PTPRR: variants seen among roughly 807,000 people sequenced by gnomAD.
PTPRR encodes the protein receptor-type tyrosine-protein phosphatase R.
PTPRR carries 38 observed loss-of-function variants against 77.2 expected under a neutral mutation model. That is an observed-to-expected ratio of 0.49 (90% CI 0.38 to 0.65). PTPRR has a LOEUF of 0.65. Ranked by LOEUF, PTPRR falls within the 30% of genes least tolerant of loss-of-function variation. The pLI, the probability that PTPRR is intolerant of heterozygous loss-of-function variation, is 0.00. For synonymous variants in PTPRR, 299 were observed against 283.1 expected, an observed-to-expected ratio of 1.06 and a Z score of -0.57; for missense variants, 744 against 799.2, an observed-to-expected ratio of 0.93 and a Z score of 0.83.
intron 8 of PTPRR, among the ~76,000 whole-genome samples, chr12:70,689,354 A>T (rs1887979365): frequency 6.6e-6 from 1 of 152,132 alleles, no homozygotes; most frequent in Non-Finnish European, 1.5e-5. Flanking sequence ...GTAATCTCCA[A>T]ATAATATAAG....
chr12:70,749,176 C>A (rs7313761), intron 5 of PTPRR, among the ~76,000 whole-genome samples: 117,961 of 151,990 alleles, frequency 0.78, 46,089 homozygotes, highest in Middle Eastern at 0.83. Context: ...CAACAACAAA[C>A]AACAACAACC....
In PTPRR at chr12:70,819,148, C is replaced by A. The variant is rs1001300336; in HGVS notation, c.358-54370G>T. On this transcript the variant is annotated intron_variant, in intron 2 of 13. Transcript: ENST00000283228. The stretch of plus-strand genomic sequence containing the variant: ...CCAGACTAGTCGACATGGTGAAACC[C>A]CATCTCTACTAAAAATACAAAAATT... Among the ~76,000 whole-genome samples, 3 of 152,170 alleles carry A rather than the reference C, an allele frequency of 2.0e-5. No individual in the cohort carries two copies. In the East Asian group the frequency reaches 5.8e-4, roughly 29 times the overall value.
intron 4 of PTPRR, among the ~76,000 whole-genome samples, chr12:70,759,570 A>G (rs1215148508): frequency 1.3e-5 from 2 of 150,860 alleles, no homozygotes; most frequent in Non-Finnish European, 2.9e-5. Flanking sequence ...AGTCCCAGCT[A>G]CTCAGAAGGT....
intron 2 of PTPRR, among the ~76,000 whole-genome samples, chr12:70,839,342 A>G (rs1452926188): frequency 6.6e-6 from 1 of 150,626 alleles, no homozygotes; most frequent in African/African-American, 2.5e-5. Flanking sequence ...TGTGTGTGTT[A>G]AAAGTGTCCA....
chr12:70,868,418 G>C (rs971637091), intron 2 of PTPRR, among the ~76,000 whole-genome samples: 33 of 151,726 alleles, frequency 2.2e-4, no homozygotes, highest in African/African-American at 6.8e-4. Flanking sequence ...TTTATGCAGC[G>C]AAAAGACACA....
At chr12:70,657,874 C>T (rs893544575) in intron 12 of PTPRR, among the ~76,000 whole-genome samples, 1 of 152,172 alleles carries the variant, frequency 6.6e-6, no homozygotes, top group Non-Finnish European at 1.5e-5. Context: ...ACTGTAATCA[C>T]GTTTTCAACA....
At chr12:70,836,056 C>G (rs1387643025) in intron 2 of PTPRR, among the ~76,000 whole-genome samples, 1 of 152,050 alleles carries the variant, frequency 6.6e-6, no homozygotes, top group African/African-American at 2.4e-5. Context: ...ATTGGGATGC[C>G]CATTGCACTG....
intron 1 of PTPRR, among the ~76,000 whole-genome samples, chr12:70,912,161 A>G (rs1893709954): frequency 6.6e-6 from 1 of 152,162 alleles, no homozygotes; most frequent in Non-Finnish European, 1.5e-5. Flanking sequence ...TGGTCTTTCA[A>G]CCTAACTAAC....
intron 10 of PTPRR, chr12:70,672,340 G>A (rs1887261730): frequency 3.3e-6 from 5 of 1,497,754 alleles, no homozygotes; most frequent in Non-Finnish European, 4.6e-6. Flanking sequence ...ACTCCATTGT[G>A]GAGCCCTATG....
intron 2 of PTPRR, among the ~76,000 whole-genome samples, chr12:70,847,103 G>A (rs952058791): frequency 3.3e-5 from 5 of 152,098 alleles, no homozygotes; most frequent in African/African-American, 7.2e-5. Context: ...AAAAACAAAC[G>A]CCTGACACGA....
At chr12:70,720,629 A>C (rs1323795411) in intron 6 of PTPRR, among the ~76,000 whole-genome samples, 3 of 150,974 alleles carry the variant, frequency 2.0e-5, no homozygotes, top group Non-Finnish European at 2.9e-5. Context: ...CTCCTGCCTC[A>C]GTCTCCAGAG....
intron 2 of PTPRR, among the ~76,000 whole-genome samples, chr12:70,771,947 T>C (rs1890987200): frequency 6.6e-6 from 1 of 152,180 alleles, no homozygotes; most frequent in Non-Finnish European, 1.5e-5. Flanking sequence ...GGGCAAACAC[T>C]CAGCTTTCAG....
intron 2 of PTPRR, among the ~76,000 whole-genome samples, chr12:70,801,654 C>T (rs1397075693): frequency 6.6e-6 from 1 of 152,164 alleles, no homozygotes; most frequent in Non-Finnish European, 1.5e-5. Context: ...TGGAACTATA[C>T]TATTGGTTCT....
intron 2 of PTPRR, among the ~76,000 whole-genome samples, chr12:70,824,375 A>C (rs1892073827): frequency 6.6e-6 from 1 of 152,234 alleles, no homozygotes; most frequent in African/African-American, 2.4e-5. Flanking sequence ...AATTTTGAGC[A>C]GGACAATCCT....
At position 70,788,975 on chromosome 12, in the gene PTPRR, T is replaced by C; in HGVS notation, c.358-24197A>G. 6 of 1,158,344 alleles carry C rather than the reference T, an allele frequency of 5.2e-6. No homozygotes were observed. In the South Asian group the frequency reaches 1.0e-4, roughly 20 times the overall value. The allele number at this position is 1,158,344 out of a possible 1,614,324, so 71.8% of individuals were successfully genotyped here. A position where few individuals can be genotyped will look rare whatever the true frequency, so the allele number is the denominator to read the frequency against. On this transcript the variant is annotated intron_variant, in intron 2 of 13. Coordinates refer to ENST00000283228, the MANE Select transcript of PTPRR (RefSeq NM_002849.4). ...TAGTCACCTGGAGGTAACCGCCTGG[T>C]ACTGTTTCTAGAGACACTGCGGATC...
chr12:70,656,800 G>A lies in PTPRR; in HGVS notation c.1784C>T (p.Thr595Ile), dbSNP rs781486909. Residue 595 changes from threonine (T) to isoleucine (I), a missense_variant, in exon 13 of 14, where the codon ACA (threonine) becomes ATA (isoleucine). Around this residue, in one of 3 missense-constraint regions of PTPRR, gnomAD observed 170 missense variants for 209.8 expected, o/e 0.81. Coordinates refer to ENST00000283228, the MANE Select transcript of PTPRR (RefSeq NM_002849.4). Reference sequence around the variant, plus strand: ...AATGGATGTAGCAATAAAACACCCTGTTCTACCTATTCCTGCACTGAAAAG... The same window carrying A: ...AATGGATGTAGCAATAAAACACCCTATTCTACCTATTCCTGCACTGAAAAG... ...VVHCSAGIGR[T>I]GCFIATSIGC... 1 of 1,611,894 alleles carries A rather than the reference G, an allele frequency of 6.2e-7. No homozygotes were observed. Among genetic ancestry groups the A allele is most frequent in the Non-Finnish European group, 8.5e-7 (1 of 1,178,386 alleles).
intron 2 of PTPRR, among the ~76,000 whole-genome samples, chr12:70,835,801 A>G (rs1248059494): frequency 6.6e-6 from 1 of 152,148 alleles, no homozygotes; most frequent in Non-Finnish European, 1.5e-5. Context: ...TTCATTATAA[A>G]CATAAGTGGA....
chr12:70,907,998 T>C (rs368233272), intron 1 of PTPRR, among the ~76,000 whole-genome samples: 2 of 152,326 alleles, frequency 1.3e-5, no homozygotes, highest in South Asian at 2.1e-4. Context: ...ATTTAGAAAC[T>C]AATTCTATAC....
At chr12:70,915,494 T>C (rs556178570) in intron 1 of PTPRR, among the ~76,000 whole-genome samples, 3 of 152,326 alleles carry the variant, frequency 2.0e-5, no homozygotes, top group East Asian at 1.9e-4. Flanking sequence ...TTTTTTCTAG[T>C]GTATTAGACT....
Sources: allele counts gnomAD v4.1 joint callset (sites outside exome capture counted in the v4.1 genomes callset), GRCh38; gene constraint gnomAD v4.1.1; regional missense constraint gnomAD v4.1.1; transcripts MANE v1.5; gene names NCBI Gene and HGNC (gene_info 2026-07-23, HGNC 2026-07-21).